The following NAA35 variants were observed in gnomAD, a reference collection of about 807,000 sequenced individuals.
NAA35 encodes MAK10 homolog, amino-acid N-acetyltransferase subunit.
In NAA35, 18 loss-of-function variants were observed where a neutral mutation model predicts 101.7. That is an observed-to-expected ratio of 0.18 (90% CI 0.12 to 0.26). The LOEUF is 0.26. Among genes scored for constraint, NAA35 ranks in the 10% least tolerant of loss-of-function variants. The pLI, the probability that NAA35 is intolerant of heterozygous loss-of-function variation, is 1.00. For synonymous variants in NAA35, 267 were observed against 273.1 expected (o/e 0.98, Z 0.22); for missense variants, 601 against 886.8 (o/e 0.68, Z 4.09).
rs1238834743 is a variant in NAA35 at position 86,024,540 on chromosome 9, TG to T, written c.*2582del. On this transcript the variant is annotated 3_prime_UTR_variant, in exon 23 of 23. Coordinates refer to ENST00000361671, the MANE Select transcript of NAA35 (RefSeq NM_024635.4). Reference sequence around the variant, plus strand: ...AAGCCAGTCACGTGAGAGAAAATGTTGGTCTTAACAAAGGTAGTGGCAGAGC... The same window carrying T: ...AAGCCAGTCACGTGAGAGAAAATGTTGTCTTAACAAAGGTAGTGGCAGAGC... Among the ~76,000 whole-genome samples the T allele has an allele frequency of 1.3e-5, 2 of 152,180 alleles. No homozygotes were observed. The highest frequency in any genetic ancestry group is 4.8e-5 in the African/African-American group (2 of 41,434).
At chr9:86,003,871 A>C (rs1159684437) in intron 13 of NAA35, among the ~76,000 whole-genome samples, 1 of 152,206 alleles carries the variant, frequency 6.6e-6, no homozygotes, top group Non-Finnish European at 1.5e-5. Flanking sequence ...AAAATCCTAC[A>C]AAGTATCTTT....
intron 21 of NAA35, among the ~76,000 whole-genome samples, chr9:86,019,081 TAAA>T (rs964380662): frequency 1.3e-5 from 2 of 152,182 alleles, no homozygotes; most frequent in Non-Finnish European, 2.9e-5. Context: ...CTCAAAATCA[TAAA>T]GAAGGATAAG....
intron 15 of NAA35, among the ~76,000 whole-genome samples, chr9:86,011,072 G>A (rs141329443): frequency 0.044 from 6,641 of 150,822 alleles, 467 homozygotes; most frequent in African/African-American, 0.15. Flanking sequence ...GAAAAACCCT[G>A]TCTCTACTGA....
chr9:85,978,097 T>C (rs760342353), intron 10 of NAA35, among the ~76,000 whole-genome samples, 170 bp from the exon 11 acceptor site: 3 of 152,162 alleles, frequency 2.0e-5, no homozygotes, highest in African/African-American at 7.2e-5. Flanking sequence ...AAAAAAACCA[T>C]TTTCTATCCT....
chr9:85,977,372 T>C lies in NAA35; in HGVS notation c.688T>C (p.Cys230Arg), dbSNP rs1830257015. The stretch of plus-strand genomic sequence containing the variant: ...TTTCTTGTTTTTTTAGCACCAACAA[T>C]GTTTAGCAGTATTCAGCAGAGTGAA... ...DPEVELEHQQCLAVFSRVKFT... is the reference protein window; with the variant it reads ...DPEVELEHQQRLAVFSRVKFT... Residue 230 changes from cysteine to arginine, a missense_variant, in exon 10 of 23, where the codon TGT (cysteine) becomes CGT (arginine). This residue lies in a region of NAA35 where 86 missense variants were observed against 169.4 expected (regional missense o/e 0.51). Transcript: ENST00000361671. 6.2e-7 allele frequency: 1 copy of C among 1,611,482 alleles called. No homozygotes were observed. The highest frequency in any genetic ancestry group is 8.5e-7 in the Non-Finnish European group (1 of 1,178,040).
chr9:85,965,942 T>C (rs115609907), intron 6 of NAA35, among the ~76,000 whole-genome samples: 1,732 of 152,268 alleles, frequency 0.011, 33 homozygotes, highest in African/African-American at 0.039. Context: ...GAAGAAATTG[T>C]AATTGAATTT....
chr9:85,966,105 A>C (rs1192424358), intron 6 of NAA35, among the ~76,000 whole-genome samples: 1 of 152,052 alleles, frequency 6.6e-6, no homozygotes, highest in African/African-American at 2.4e-5. Flanking sequence ...ACACGTGGCT[A>C]ATTTTTAATT....
At chr9:85,956,549 A>G (rs1412010401) in intron 3 of NAA35, among the ~76,000 whole-genome samples, 156 bp downstream of exon 3, 2 of 152,124 alleles carry the variant, frequency 1.3e-5, no homozygotes, top group African/African-American at 2.4e-5. Flanking sequence ...GTGATGAGCT[A>G]TTTTGGGGCA....
chr9:86,001,897 TC>T (rs766323666), intron 12 of NAA35, among the ~76,000 whole-genome samples: 2 of 152,180 alleles, frequency 1.3e-5, no homozygotes, highest in Non-Finnish European at 2.9e-5. Flanking sequence ...GTGGATTTGA[TC>T]CTGTCATTAT....
intron 11 of NAA35, 101 bp downstream of exon 11, chr9:85,978,482 T>C (rs1051190291): frequency 1.7e-5 from 12 of 723,278 alleles, no homozygotes; most frequent in Non-Finnish European, 2.9e-5. Context: ...GTCTTGTACC[T>C]TGGGATGTTT....
intron 12 of NAA35, 138 bp from the exon 13 acceptor site, chr9:86,003,447 A>G (rs1428757410): frequency 2.3e-6 from 1 of 439,400 alleles, no homozygotes; most frequent in East Asian, 3.3e-5. Context: ...TTCTATAGAA[A>G]TGACCTTTAT....
intron 2 of NAA35, among the ~76,000 whole-genome samples, chr9:85,946,508 A>G (rs978999603): frequency 5.9e-5 from 9 of 152,030 alleles, no homozygotes; most frequent in East Asian, 3.8e-4. Context: ...TTTATGTTTT[A>G]GTCTAGGAGG....
intron 2 of NAA35, 125 bp from the exon 3 acceptor site, chr9:85,956,235 A>G: frequency 1.8e-6 from 1 of 557,548 alleles, no homozygotes; most frequent in Admixed American, 4.0e-5. Context: ...AGAAATAAGT[A>G]TTTCTTAGAA....
chr9:85,973,139 C>T (rs948451492), intron 6 of NAA35, among the ~76,000 whole-genome samples: 3 of 152,040 alleles, frequency 2.0e-5, no homozygotes, highest in Non-Finnish European at 4.4e-5. Context: ...GAGAGGAGAA[C>T]GTGTTTGGTA....
chr9:85,966,133 G>T (rs1829735409), intron 6 of NAA35, among the ~76,000 whole-genome samples: 1 of 152,026 alleles, frequency 6.6e-6, no homozygotes, highest in Non-Finnish European at 1.5e-5. Context: ...TAAAGACTGG[G>T]TTTTGCTTTG....
At chr9:85,958,372 C>T in intron 3 of NAA35, 100 bp from the exon 4 acceptor site, 1 of 629,364 alleles carries the variant, frequency 1.6e-6, no homozygotes, top group East Asian at 2.9e-5. Flanking sequence ...GCATAGAATA[C>T]TTTAGTTATT....
chr9:85,997,752 A>G (rs1428349940), intron 12 of NAA35, among the ~76,000 whole-genome samples: 2 of 152,186 alleles, frequency 1.3e-5, no homozygotes, highest in Admixed American at 1.3e-4. Flanking sequence ...CCAAAGTGCC[A>G]GGATTATAGG....
intron 13 of NAA35, 56 bp from the exon 14 acceptor site, chr9:86,007,302 C>A: frequency 8.0e-7 from 1 of 1,256,228 alleles, no homozygotes; most frequent in Non-Finnish European, 1.2e-6. Context: ...ACTGATTTTA[C>A]ACTAATGACA....
intron 1 of NAA35, chr9:85,941,780 C>A: frequency 7.0e-6 from 7 of 996,024 alleles, no homozygotes; most frequent in Non-Finnish European, 8.4e-6. Context: ...CGCATGGGGT[C>A]CTGGGCTGCG....
Sources: allele counts gnomAD v4.1 joint callset (sites outside exome capture counted in the v4.1 genomes callset), GRCh38; gene constraint gnomAD v4.1.1; regional missense constraint gnomAD v4.1.1; transcripts MANE v1.5; gene names NCBI Gene and HGNC (gene_info 2026-07-23, HGNC 2026-07-21).